CYB5R4: variants seen among roughly 807,000 people sequenced by gnomAD.
The protein encoded by CYB5R4 is cytochrome b5 reductase 4.
CYB5R4 carries 55 observed loss-of-function variants against 70.2 expected under a neutral mutation model. That is an observed-to-expected ratio of 0.78 (90% CI 0.63 to 0.98). CYB5R4 has a LOEUF of 0.98. Among genes scored for constraint, CYB5R4 ranks in the 50% least tolerant of loss-of-function variants. The pLI is 0.00. For synonymous variants in CYB5R4, 197 were observed against 199.5 expected (o/e 0.99, Z 0.11); for missense variants, 562 against 612.6 (o/e 0.92, Z 0.87).
At chr6:83,957,540 G>C (rs150658571) in intron 15 of CYB5R4, among the ~76,000 whole-genome samples, 1 of 143,166 alleles carries the variant, frequency 7.0e-6, no homozygotes, top group Non-Finnish European at 1.5e-5. Context: ...AGGATCGCTC[G>C]AATCTAGGAG....
At chr6:83,874,519 CTT>C (rs71549572) in intron 2 of CYB5R4, among the ~76,000 whole-genome samples, 1 of 145,178 alleles carries the variant, frequency 6.9e-6, no homozygotes, top group Non-Finnish European at 1.5e-5. Context: ...TTTCTCAGAC[CTT>C]TTTTTTTTTT....
intron 14 of CYB5R4, among the ~76,000 whole-genome samples, chr6:83,947,227 G>A (rs1231021994): frequency 1.3e-5 from 2 of 152,084 alleles, no homozygotes; most frequent in Non-Finnish European, 2.9e-5. Flanking sequence ...TAGTGGAACA[G>A]AATACAGGTC....
intron 14 of CYB5R4, among the ~76,000 whole-genome samples, chr6:83,945,975 G>A (rs1218990365): frequency 6.6e-6 from 1 of 152,150 alleles, no homozygotes; most frequent in Non-Finnish European, 1.5e-5. Flanking sequence ...TGGATTTACA[G>A]CTGAATTCTA....
intron 13 of CYB5R4, 54 bp from the exon 14 acceptor site, chr6:83,940,461 C>T (rs1588583461): frequency 1.4e-6 from 2 of 1,455,466 alleles, no homozygotes; most frequent in East Asian, 2.5e-5. Context: ...TCCATTTGTG[C>T]ATATTTTAAA....
intron 2 of CYB5R4, among the ~76,000 whole-genome samples, chr6:83,872,761 T>G (rs2099457833): frequency 6.6e-6 from 1 of 152,226 alleles, no homozygotes. Flanking sequence ...AAGTTCCCAT[T>G]GCTGGTACAG....
At position 83,864,202 on chromosome 6, in the gene CYB5R4, A is replaced by G. The variant is rs758203770; in HGVS notation, c.103A>G (p.Met35Val). ...KVPLKQGRSL[M>V]DWIRLTKSGK... ...ACCTTTAAAACAGGGCAGAAGCCTT[A>G]TGGATTGGATTCGACTGACCAAAAG... The change falls in exon 2 of 16, where the codon ATG (methionine) becomes GTG (valine). Residue 35 changes from methionine to valine, a missense_variant. Transcript: ENST00000369681. 14 of 1,610,378 alleles carry G rather than the reference A, an allele frequency of 8.7e-6. No individual in the cohort carries two copies. The Admixed American group carries it at 2.4e-4, about 27-fold the overall frequency.
rs921237720 is a variant in CYB5R4, at chr6:83,887,835, A to G, written c.230-5687A>G. On this transcript the variant is annotated intron_variant, in intron 2 of 15. Coordinates refer to ENST00000369681, the MANE Select transcript of CYB5R4 (RefSeq NM_016230.4). The stretch of plus-strand genomic sequence containing the variant: ...TGGATGGATGGGTAGATGGATGGAT[A>G]GATAGATATTCTCCCTAAATCCCCC... Among the ~76,000 whole-genome samples the G allele has an allele frequency of 2.6e-5, 4 of 152,198 alleles. No homozygotes were observed. The South Asian group carries it at 8.3e-4, about 32-fold the overall frequency.
intron 15 of CYB5R4, among the ~76,000 whole-genome samples, chr6:83,958,973 G>C (rs1272443419): frequency 6.6e-6 from 1 of 152,130 alleles, no homozygotes; most frequent in Non-Finnish European, 1.5e-5. Context: ...CTGTTCAGTA[G>C]GGGGAGAATG....
At chr6:83,898,464 T>C (rs959022557) in intron 3 of CYB5R4, among the ~76,000 whole-genome samples, 2 of 152,230 alleles carry the variant, frequency 1.3e-5, no homozygotes, top group African/African-American at 4.8e-5. Flanking sequence ...TTTGGTTCCA[T>C]GTGAACTTTA....
intron 14 of CYB5R4, among the ~76,000 whole-genome samples, chr6:83,949,207 G>T (rs1001291581): frequency 7.9e-5 from 12 of 151,542 alleles, no homozygotes; most frequent in Admixed American, 4.6e-4. Flanking sequence ...GATTTAGCAG[G>T]AATTTTACCA....
chr6:83,936,215 T>C lies in CYB5R4; in HGVS notation c.956-9T>C, dbSNP rs2099468907. ...AATTTAATTATTTTGCTGTGATTTT[T>C]TTTTCTAGGTACAGAAATAGTAAAG... On this transcript the variant is annotated splice_polypyrimidine_tract_variant and intron_variant, in intron 11 of 15. Coordinates refer to ENST00000369681, the MANE Select transcript of CYB5R4 (RefSeq NM_016230.4). The C allele has an allele frequency of 6.6e-7, 1 of 1,526,460 alleles. No homozygotes were observed. Among genetic ancestry groups the C allele is most frequent in the African/African-American group, 1.4e-5 (1 of 70,824 alleles). 94.6% of individuals were successfully genotyped at this position (1,526,460 alleles called of 1,614,324 possible).
chr6:83,887,516 T>C (rs1293147051), intron 2 of CYB5R4, among the ~76,000 whole-genome samples: 6 of 152,128 alleles, frequency 3.9e-5, no homozygotes. Flanking sequence ...CTCAGTGTAG[T>C]TATTGTTCTG....
intron 2 of CYB5R4, among the ~76,000 whole-genome samples, chr6:83,877,128 C>T (rs976807513): frequency 1.3e-5 from 2 of 152,210 alleles, no homozygotes; most frequent in Admixed American, 1.3e-4. Flanking sequence ...CCGCACCCAG[C>T]CCTTTTAACA....
intron 3 of CYB5R4, among the ~76,000 whole-genome samples, chr6:83,900,665 T>C (rs570896620): frequency 1.3e-5 from 2 of 152,236 alleles, no homozygotes; most frequent in Non-Finnish European, 2.9e-5. Context: ...ATTGGGTGCA[T>C]ATATATTTAG....
In CYB5R4 at chr6:83,859,812, G is replaced by T; in HGVS notation, c.30G>T (p.Pro10=). 6.2e-7 allele frequency: 1 copy of T among 1,613,412 alleles called. No homozygotes were observed. Among genetic ancestry groups the T allele is most frequent in the Non-Finnish European group, 8.5e-7 (1 of 1,179,830 alleles). ...TGAACGTCCCTTCCCAGTCTTTCCC[G>T]GCCCCCAGGTCGCAGCAGCGTGTCG... The part of the protein sequence containing the change: MLNVPSQSF[P]APRSQQRVAS... Residue 10 remains proline (P), a synonymous_variant, in exon 1 of 16, where the codon CCG becomes CCT. Coordinates refer to ENST00000369681, the MANE Select transcript of CYB5R4 (RefSeq NM_016230.4).
intron 1 of CYB5R4, among the ~76,000 whole-genome samples, chr6:83,860,456 CA>C (rs1278342461): frequency 2.0e-5 from 3 of 152,168 alleles, no homozygotes; most frequent in African/African-American, 7.2e-5. Context: ...AACTTCGAAG[CA>C]AATATAATAA....
rs1290400967 is a variant in CYB5R4, at chr6:83,940,192, T to A, written c.1245T>A (p.Asp415Glu). 2 of 1,607,602 alleles carry A rather than the reference T, an allele frequency of 1.2e-6. No individual in the cohort carries two copies. Among genetic ancestry groups the A allele is most frequent in the African/African-American group, 2.7e-5 (2 of 74,656 alleles). ...MVKILNYALT[D>E]IPSLRKVKLM... is the part of the protein sequence containing the mutation. The stretch of plus-strand genomic sequence containing the variant: ...AAATACTGAATTATGCTTTGACTGA[T>A]ATACCCAGTCTCAGGTATGTAATTT... Residue 415 changes from aspartate (D) to glutamate (E), a missense_variant, in exon 13 of 16, where the codon GAT (aspartate) becomes GAA (glutamate). Asp to Glu is a conservative substitution (Grantham distance 45, BLOSUM62 2). Transcript: ENST00000369681.
At chr6:83,866,882 G>A (rs2099456809) in intron 2 of CYB5R4, among the ~76,000 whole-genome samples, 1 of 152,086 alleles carries the variant, frequency 6.6e-6, no homozygotes, top group African/African-American at 2.4e-5. Flanking sequence ...GCCTCCCAAA[G>A]TGCTGGGATT....
Position 83,959,971 on chromosome 6 carries a change from G to A in CYB5R4, c.*93G>A, listed in dbSNP as rs1321400753. The A allele has an allele frequency of 4.3e-6, 4 of 927,148 alleles. No homozygotes were observed. In the East Asian group the frequency reaches 1.2e-4, roughly 27 times the overall value. 57.4% of individuals were successfully genotyped at this position (927,148 alleles called of 1,614,324 possible). A position where few individuals can be genotyped will look rare whatever the true frequency, so the allele number is the denominator to read the frequency against. ...GAGAACATTTTTGTACATAACAAAA[G>A]GTTAACTAGAATCCAGCCTTCAGTT... On this transcript the variant is annotated 3_prime_UTR_variant, in exon 16 of 16. Coordinates refer to ENST00000369681, the MANE Select transcript of CYB5R4 (RefSeq NM_016230.4).
Sources: gnomAD v4.1 joint callset for allele counts (sites outside exome capture counted in the v4.1 genomes callset) on GRCh38, gnomAD v4.1.1 for gene constraint, MANE v1.5 for transcripts, NCBI Gene and HGNC (gene_info 2026-07-23, HGNC 2026-07-21) for gene names.